Variants in RANBP3 observed in about 807,000 individuals in gnomAD.
RANBP3 encodes ran-binding protein 3.
In RANBP3, 14 loss-of-function variants were observed where a neutral mutation model predicts 77.3. The ratio of observed to expected loss-of-function variants is 0.18; its 90% CI spans 0.12 to 0.28. RANBP3 has a LOEUF of 0.28. Ranked by LOEUF, RANBP3 falls within the 10% of genes least tolerant of loss-of-function variation. The pLI, the probability that RANBP3 is intolerant of heterozygous loss-of-function variation, is 1.00. For missense variants in RANBP3, 586 were observed against 752.3 expected (o/e 0.78, Z 2.59); for synonymous variants, 315 against 312.4 (o/e 1.01, Z -0.09).
intron 3 of RANBP3, among the ~76,000 whole-genome samples, chr19:5,944,862 C>G (rs2058183721): frequency 6.6e-6 from 1 of 152,208 alleles, no homozygotes; most frequent in African/African-American, 2.4e-5. Flanking sequence ...ATCCAACGAG[C>G]CTTTCAACTG....
chr19:5,927,419 T>C (rs1271887411), intron 9 of RANBP3, among the ~76,000 whole-genome samples: 5 of 152,250 alleles, frequency 3.3e-5, no homozygotes, highest in African/African-American at 1.2e-4. Flanking sequence ...GGGGCGATTC[T>C]ACTCCACAGG....
chr19:5,928,127 T>A lies in RANBP3; in HGVS notation c.694-40A>T, dbSNP rs548032356. The A allele has an allele frequency of 4.4e-6, 7 of 1,593,492 alleles. No individual in the cohort carries two copies. In the Admixed American group the frequency reaches 1.2e-4, roughly 28 times the overall value. ...AACAAAACAGAGTAATCAAAACCAG[T>A]GCCACACTTGGCCCAGACGGATGCC... On this transcript the variant is annotated intron_variant, in intron 8 of 16. Coordinates refer to ENST00000340578, the MANE Select transcript of RANBP3 (RefSeq NM_007322.3).
chr19:5,964,837 G>C (rs1274171779), intron 1 of RANBP3, among the ~76,000 whole-genome samples: 1 of 132,190 alleles, frequency 7.6e-6, no homozygotes, highest in Non-Finnish European at 1.6e-5. Flanking sequence ...GAGGAGCTAA[G>C]TGGAGGTGGT....
In RANBP3 at chr19:5,958,846, G is replaced by T. The variant is rs1033647638; in HGVS notation, c.23-873C>A. Reference sequence around the variant, plus strand: ...CACCATTCAGGGCACTGAGGGCCTAGCGTGGAGGCCAAGCAAGAGCAGCTG... The same window carrying T: ...CACCATTCAGGGCACTGAGGGCCTATCGTGGAGGCCAAGCAAGAGCAGCTG... On this transcript the variant is annotated intron_variant, in intron 1 of 16. Coordinates refer to ENST00000340578, the MANE Select transcript of RANBP3 (RefSeq NM_007322.3). This position sits in a 1 kb window ranked among gnomAD's most constrained non-coding sequence, Gnocchi z 4.4. 6.6e-6 allele frequency among the ~76,000 whole-genome samples: 1 copy of T among 152,280 alleles called. No homozygotes were observed. The highest frequency in any genetic ancestry group is 1.5e-5 in the Non-Finnish European group (1 of 68,052).
At chr19:5,938,634 G>A (rs1371472290) in intron 5 of RANBP3, among the ~76,000 whole-genome samples, 3 of 152,222 alleles carry the variant, frequency 2.0e-5, no homozygotes, top group Non-Finnish European at 2.9e-5. Context: ...AGAGGTTGCA[G>A]TGAGCCAAGA....
chr19:5,922,923 G>A (rs1331319498), intron 13 of RANBP3, among the ~76,000 whole-genome samples: 1 of 152,200 alleles, frequency 6.6e-6, no homozygotes, highest in Admixed American at 6.5e-5. Flanking sequence ...CTGGGTGACA[G>A]AGTAAGACAT....
Position 5,917,534 on chromosome 19 carries a change from C to T in RANBP3, c.*76G>A, listed in dbSNP as rs1220690435. 15 of 1,346,794 alleles carry T rather than the reference C, an allele frequency of 1.1e-5. No individual in the cohort carries two copies. The highest frequency in any genetic ancestry group is 5.0e-5 in the Admixed American group (2 of 40,148). 83.4% of individuals were successfully genotyped at this position (1,346,794 alleles called of 1,614,324 possible). On this transcript the variant is annotated 3_prime_UTR_variant, in exon 17 of 17. Transcript: ENST00000340578. ...TCCCGGCCCCGCACCTGGACGCTGC[C>T]GGTGGGGTGGGGGCGGGTGGGCGGG...
Position 5,918,753 on chromosome 19 carries a change from T to C in RANBP3, c.1331-115A>G, listed in dbSNP as rs536812173. ...AGCGACATCACCGCGCAAAAGCCCA[T>C]GATCCTCCCAGGACCCACCCACAGA... is the stretch of plus-strand genomic sequence containing the variant. On this transcript the variant is annotated intron_variant, in intron 14 of 16. Transcript: ENST00000340578. 6 of 1,360,760 alleles carry C rather than the reference T, an allele frequency of 4.4e-6. 1 individual carries two copies. The South Asian group carries it at 7.9e-5, about 18-fold the overall frequency. 84.3% of individuals were successfully genotyped at this position (1,360,760 alleles called of 1,614,324 possible). A position where few individuals can be genotyped will look rare whatever the true frequency, so the allele number is the denominator to read the frequency against.
intron 1 of RANBP3, among the ~76,000 whole-genome samples, chr19:5,972,241 C>T (rs1164196179): frequency 6.6e-6 from 1 of 152,242 alleles, no homozygotes; most frequent in East Asian, 1.9e-4. Context: ...GCCCAGGCAG[C>T]AGTTTTGATT....
intron 2 of RANBP3, 33 bp from the exon 3 acceptor site, chr19:5,951,629 T>G (rs1230244729): frequency 6.3e-7 from 1 of 1,585,206 alleles, no homozygotes; most frequent in Admixed American, 1.7e-5. Context: ...TCCTTCAATG[T>G]GAATAAAGGC....
intron 12 of RANBP3, 113 bp from the exon 13 acceptor site, chr19:5,923,416 C>A: frequency 9.4e-7 from 1 of 1,060,894 alleles, no homozygotes; most frequent in Non-Finnish European, 1.4e-6. Context: ...ACGCCTGCTG[C>A]CCCTGGCAGG....
rs574550752 is a variant in RANBP3, at chr19:5,925,683, C to T, written c.868G>A (p.Ala290Thr). The change falls in exon 10 of 17, where the codon GCA (alanine) becomes ACA (threonine). Residue 290 changes from alanine to threonine, a missense_variant. By Grantham distance (58) the Ala-to-Thr change is moderately conservative (BLOSUM62 0). This residue lies in a region of RANBP3 where 232 missense variants were observed against 271.7 expected (regional missense o/e 0.85). Coordinates refer to ENST00000340578, the MANE Select transcript of RANBP3 (RefSeq NM_007322.3). ...TAGTTCGTTGCGGTTGGCGTGTCTG[C>T]GCTGGGGTGTCCAGCATTCTCCATG... Reference protein sequence around the residue: ...ADMENAGHPSADTPTATNYFL... With the variant: ...ADMENAGHPSTDTPTATNYFL... 98 of 1,613,986 alleles carry T rather than the reference C, an allele frequency of 6.1e-5. 1 individual carries two copies. Among genetic ancestry groups the T allele is most frequent in the South Asian group, 2.6e-4 (24 of 91,078 alleles).
Position 5,959,516 on chromosome 19 carries a change from T to G in RANBP3, c.23-1543A>C, listed in dbSNP as rs530122727. ...CACCGTGTACAGCCAAGGCAAACAC[T>G]GGAGTGAGTGGCGTGCGCGAGACCC... On this transcript the variant is annotated intron_variant, in intron 1 of 16. Coordinates refer to ENST00000340578, the MANE Select transcript of RANBP3 (RefSeq NM_007322.3). The surrounding 1 kb of genome is among the most constrained non-coding windows in gnomAD (Gnocchi z 5.1). 1.1e-4 allele frequency among the ~76,000 whole-genome samples: 16 copies of G among 152,028 alleles called. No homozygotes were observed. In the South Asian group the frequency reaches 3.1e-3, roughly 30 times the overall value.
At chr19:5,933,288 C>T (rs549696537) in intron 6 of RANBP3, 126 bp downstream of exon 6, 10 of 735,422 alleles carry the variant, frequency 1.4e-5, no homozygotes, top group South Asian at 4.0e-5. Context: ...TTCCAGGGCT[C>T]GTGGGTCAAG....
At position 5,958,138 on chromosome 19, in the gene RANBP3, C is replaced by A. The variant is rs1339799507; in HGVS notation, c.23-165G>T. ...GTCTTGACTCGGATGCCTGGAGGCA[C>A]AGGTGTGCTGGGTTTGTGAAATGCA... On this transcript the variant is annotated intron_variant, in intron 1 of 16. Coordinates refer to ENST00000340578, the MANE Select transcript of RANBP3 (RefSeq NM_007322.3). The surrounding 1 kb of genome is among the most constrained non-coding windows in gnomAD (Gnocchi z 4.4). Among the ~76,000 whole-genome samples, 1 of 152,164 alleles carries A rather than the reference C, an allele frequency of 6.6e-6. No homozygotes were observed. Among genetic ancestry groups the A allele is most frequent in the East Asian group, 1.9e-4 (1 of 5,200 alleles).
At position 5,935,040 on chromosome 19, in the gene RANBP3, A is replaced by G. The variant is rs568435989; in HGVS notation, c.407-1561T>C. 2.0e-5 allele frequency among the ~76,000 whole-genome samples: 3 copies of G among 152,218 alleles called. No individual in the cohort carries two copies. In the South Asian group the frequency reaches 6.2e-4, roughly 32 times the overall value. ...TTTTGGGATGATGGAAATGTTCTAA[A>G]ATTAATCACGTGATGGTCGCACAAC... On this transcript the variant is annotated intron_variant, in intron 5 of 16. Transcript: ENST00000340578.
chr19:5,969,530 C>G (rs1473871398), intron 1 of RANBP3, among the ~76,000 whole-genome samples: 1 of 152,264 alleles, frequency 6.6e-6, no homozygotes, highest in Non-Finnish European at 1.5e-5. Flanking sequence ...GAATTTCCTC[C>G]CTTTCTTTGA....
At chr19:5,960,686 G>C (rs1297578607) in intron 1 of RANBP3, among the ~76,000 whole-genome samples, 1 of 152,238 alleles carries the variant, frequency 6.6e-6, no homozygotes, top group Non-Finnish European at 1.5e-5. Context: ...GAACCATTTG[G>C]ATGGGAGAGG....
chr19:5,970,084 G>A (rs1030144562), intron 1 of RANBP3, among the ~76,000 whole-genome samples: 2 of 152,156 alleles, frequency 1.3e-5, no homozygotes, highest in East Asian at 3.9e-4. Flanking sequence ...GGGTGTGGAG[G>A]AAACTGTTAC....
Sources: gnomAD v4.1 joint callset for allele counts (sites outside exome capture counted in the v4.1 genomes callset) on GRCh38, gnomAD v4.1.1 for gene constraint, gnomAD v4.1.1 regional missense constraint, Gnocchi (gnomAD v3.1) non-coding constraint, MANE v1.5 for transcripts, NCBI Gene and HGNC (gene_info 2026-07-23, HGNC 2026-07-21) for gene names.